MALT1: variants seen among roughly 807,000 people sequenced by gnomAD.
The protein encoded by MALT1 is MALT1 paracaspase.
Under a neutral mutation model 85.5 loss-of-function variants are expected in MALT1, and 36 were observed. The observed-to-expected ratio is 0.42, with a 90% CI of 0.32 to 0.56. The LOEUF is 0.56. Ranked by LOEUF, MALT1 falls within the 20% of genes least tolerant of loss-of-function variation. The pLI is 0.10. For missense variants in MALT1, 716 were observed against 981.6 expected (o/e 0.73, Z 3.62); for synonymous variants, 359 against 361.3 (o/e 0.99, Z 0.07).
chr18:58,693,239 G>C (rs2054538783), intron 2 of MALT1, among the ~76,000 whole-genome samples: 1 of 152,116 alleles, frequency 6.6e-6, no homozygotes, highest in African/African-American at 2.4e-5. Context: ...TGGGCAACAT[G>C]GTGAAACCCC....
At chr18:58,713,080 G>C (rs1221059013) in intron 7 of MALT1, among the ~76,000 whole-genome samples, 1 of 152,014 alleles carries the variant, frequency 6.6e-6, no homozygotes, top group African/African-American at 2.4e-5. Context: ...AACTGGGAAT[G>C]AGTTGAGCCT....
chr18:58,679,130 A>G (rs555578015), intron 1 of MALT1, among the ~76,000 whole-genome samples: 2 of 152,362 alleles, frequency 1.3e-5, no homozygotes, highest in South Asian at 4.1e-4. Context: ...AATGATTACA[A>G]TTCATATCAT....
At chr18:58,686,836 G>T (rs1049275985) in intron 2 of MALT1, among the ~76,000 whole-genome samples, 11 of 152,100 alleles carry the variant, frequency 7.2e-5, no homozygotes, top group Admixed American at 3.9e-4. Context: ...TCACAATTCT[G>T]TGAAGCGACA....
At chr18:58,703,372 A>G (rs1249692510) in intron 4 of MALT1, among the ~76,000 whole-genome samples, 1 of 152,066 alleles carries the variant, frequency 6.6e-6, no homozygotes, top group Non-Finnish European at 1.5e-5. Context: ...AAAAGAAAAT[A>G]TCACCATTTT....
chr18:58,742,602 G>A (rs540399472), intron 14 of MALT1, among the ~76,000 whole-genome samples: 98 of 152,298 alleles, frequency 6.4e-4, no homozygotes, highest in East Asian at 1.7e-3. Context: ...CAACTACTAG[G>A]GTGGCTGAGG....
In MALT1 at chr18:58,723,651, G is replaced by A. The variant is rs749735626; in HGVS notation, c.1222+400G>A. On this transcript the variant is annotated intron_variant, in intron 10 of 16. Transcript: ENST00000649217. Reference sequence around the variant, plus strand: ...AAGGTTCTAGTAGAATGTATATTTTGTATGTTTCCTTTTCCTAACTATTGC... The same window carrying A: ...AAGGTTCTAGTAGAATGTATATTTTATATGTTTCCTTTTCCTAACTATTGC... Among the ~76,000 whole-genome samples the A allele has an allele frequency of 5.3e-5, 8 of 152,118 alleles. No homozygotes were observed. The South Asian group carries it at 1.7e-3, about 32-fold the overall frequency.
At chr18:58,685,855 T>C (rs926086972) in intron 2 of MALT1, among the ~76,000 whole-genome samples, 5 of 152,154 alleles carry the variant, frequency 3.3e-5, no homozygotes, top group African/African-American at 1.2e-4. Flanking sequence ...TCAGTGGGAA[T>C]TGTAGAAGGG....
intron 2 of MALT1, among the ~76,000 whole-genome samples, chr18:58,694,973 G>A (rs1471180788): frequency 1.3e-5 from 2 of 152,206 alleles, no homozygotes; most frequent in African/African-American, 2.4e-5. Context: ...TGTGTTGTGG[G>A]AGGGACCTGG....
intron 10 of MALT1, among the ~76,000 whole-genome samples, chr18:58,729,074 A>T (rs1003768665): frequency 3.9e-5 from 6 of 152,208 alleles, no homozygotes; most frequent in Non-Finnish European, 8.8e-5. Flanking sequence ...TGTTAATTTA[A>T]TGCAATTCAG....
intron 1 of MALT1, among the ~76,000 whole-genome samples, chr18:58,680,783 C>T (rs1205447771): frequency 3.3e-5 from 5 of 151,544 alleles, no homozygotes; most frequent in African/African-American, 1.2e-4. Context: ...ATTAGCCGGG[C>T]GCGGTGGCGG....
intron 16 of MALT1, 47 bp downstream of exon 16, chr18:58,745,838 A>G: frequency 6.4e-7 from 1 of 1,568,018 alleles, no homozygotes; most frequent in Non-Finnish European, 8.7e-7. Context: ...ACTTTATGAA[A>G]CTGGAAACTT....
intron 4 of MALT1, among the ~76,000 whole-genome samples, chr18:58,704,243 A>G (rs2054713993): frequency 6.6e-6 from 1 of 152,212 alleles, no homozygotes; most frequent in African/African-American, 2.4e-5. Context: ...AATTTTTCTT[A>G]ACTGCCAAAG....
rs2055425743 is a variant in MALT1, at chr18:58,750,028, AGAG to A, written c.*2188_*2190del. On this transcript the variant is annotated 3_prime_UTR_variant, in exon 17 of 17. Coordinates refer to ENST00000649217, the MANE Select transcript of MALT1 (RefSeq NM_006785.4). ...AAAATCAAATAAGCTAATAAAGAAAAGAGGTTTATACTGCAAAAGAAGTGAAAC... is the reference window on the plus strand; with the variant it reads ...AAAATCAAATAAGCTAATAAAGAAAAGTTTATACTGCAAAAGAAGTGAAAC... The A allele has an allele frequency of 5.1e-6, 1 of 197,920 alleles. No individual in the cohort carries two copies. The highest frequency in any genetic ancestry group is 2.3e-5 in the African/African-American group (1 of 43,432). 12.3% of individuals were successfully genotyped at this position (197,920 alleles called of 1,614,324 possible). A position where few individuals can be genotyped will look rare whatever the true frequency, so the allele number is the denominator to read the frequency against.
chr18:58,742,567 G>T (rs2055315782), intron 14 of MALT1, among the ~76,000 whole-genome samples: 1 of 152,168 alleles, frequency 6.6e-6, no homozygotes, highest in African/African-American at 2.4e-5. Flanking sequence ...AGTTAGCGGG[G>T]TGTGGTGGCA....
chr18:58,708,288 A>G (rs1241926124), intron 4 of MALT1, among the ~76,000 whole-genome samples: 1 of 152,184 alleles, frequency 6.6e-6, no homozygotes, highest in Non-Finnish European at 1.5e-5. Flanking sequence ...GTGAGGCAGA[A>G]TCTTTTGCAG....
Position 58,708,302 on chromosome 18 carries a change from GGGTTCCTTGA to G in MALT1, c.650-1073_650-1064del, listed in dbSNP as rs2054785927. 2.0e-5 allele frequency among the ~76,000 whole-genome samples: 3 copies of G among 152,164 alleles called. No homozygotes were observed. The South Asian group carries it at 6.2e-4, about 31-fold the overall frequency. On this transcript the variant is annotated intron_variant, in intron 4 of 16. Transcript: ENST00000649217. Reference sequence around the variant, plus strand: ...AGTGAGGCAGAATCTTTTGCAGCTGGGGTTCCTTGAGGATCTAATTGGTCATGCCCACTAG... The same window carrying G: ...AGTGAGGCAGAATCTTTTGCAGCTGGGGATCTAATTGGTCATGCCCACTAG...
chr18:58,700,655 GT>G, intron 4 of MALT1, 64 bp downstream of exon 4: 2 of 1,390,904 alleles, frequency 1.4e-6, no homozygotes, highest in Non-Finnish European at 1.9e-6. Flanking sequence ...TATTTTAAAT[GT>G]TTACTTTTAA....
intron 5 of MALT1, among the ~76,000 whole-genome samples, 190 bp downstream of exon 5, chr18:58,709,746 C>G (rs2054806104): frequency 6.6e-6 from 1 of 152,170 alleles, no homozygotes; most frequent in Non-Finnish European, 1.5e-5. Context: ...GAATTCAACT[C>G]AGGCTTATAT....
intron 1 of MALT1, chr18:58,672,639 A>T (rs1009806253): frequency 6.6e-6 from 1 of 152,250 alleles, no homozygotes; most frequent in Non-Finnish European, 1.5e-5. Context: ...TAATTTATTT[A>T]AAAAGAATAA....
Sources: allele counts gnomAD v4.1 joint callset (sites outside exome capture counted in the v4.1 genomes callset), GRCh38; gene constraint gnomAD v4.1.1; transcripts MANE v1.5; gene names NCBI Gene and HGNC (gene_info 2026-07-23, HGNC 2026-07-21).